Variants in MYO16 observed in about 807,000 individuals in gnomAD.
The protein encoded by MYO16 is unconventional myosin-XVI.
MYO16 carries 94 observed loss-of-function variants against 205.3 expected under a neutral mutation model. The observed-to-expected ratio is 0.46, with a 90% CI of 0.39 to 0.54. The LOEUF is 0.54. MYO16 is among the 20% of genes least tolerant of loss of function. The pLI is 0.00. For missense variants in MYO16, 2,315 were observed against 2,387.5 expected (o/e 0.97, Z 0.63); for synonymous variants, 988 against 954.0 (o/e 1.04, Z -0.66).
rs189042492 is a variant in MYO16 at position 108,705,814 on chromosome 13, A to G, written c.293-6847A>G. ...AATTCCTAGAAAGACACAAATCATG[A>G]TAGGCTTATATCGAATAGATTTAAT... On this transcript the variant is annotated intron_variant, in intron 2 of 34. Coordinates refer to ENST00000457511, the MANE Select transcript of MYO16 (RefSeq NM_001198950.3). Among the ~76,000 whole-genome samples the G allele has an allele frequency of 7.2e-3, 1,099 of 152,330 alleles. 14 individuals are homozygous for G. The highest frequency in any genetic ancestry group is 0.025 in the African/African-American group (1,052 of 41,580).
intron 32 of MYO16, among the ~76,000 whole-genome samples, chr13:109,160,586 A>G (rs1878333099): frequency 6.6e-6 from 1 of 152,262 alleles, no homozygotes; most frequent in South Asian, 2.1e-4. Context: ...CCCTTACTTC[A>G]CTAGATACAG....
At chr13:108,779,664 AG>A (rs1320978121) in intron 4 of MYO16, 1 of 152,190 alleles carries the variant, frequency 6.6e-6, no homozygotes, top group Non-Finnish European at 1.5e-5. Context: ...CTAGGATACA[AG>A]AGAAACTTGC....
At chr13:108,844,527 T>A (rs777724534) in intron 10 of MYO16, 34 bp downstream of exon 10, 1 of 1,542,178 alleles carries the variant, frequency 6.5e-7, no homozygotes, top group Non-Finnish European at 8.8e-7. Flanking sequence ...CTACCAGTAC[T>A]TTTTCATATC....
At chr13:109,100,751 A>C in intron 27 of MYO16, 34 bp from the exon 28 acceptor site, 1 of 1,525,822 alleles carries the variant, frequency 6.6e-7, no homozygotes, top group Non-Finnish European at 9.1e-7. Flanking sequence ...TGGCAAATGC[A>C]GTCATTGCTT....
chr13:108,915,435 C>A (rs917609961), intron 16 of MYO16, among the ~76,000 whole-genome samples: 1 of 152,138 alleles, frequency 6.6e-6, no homozygotes. Context: ...ATGCTTGTTA[C>A]CAAAAGTTTC....
In MYO16 at chr13:109,127,564, A is replaced by G. The variant is rs1348294724; in HGVS notation, c.4051+14A>G. ...CGGCCAACGAAGGTCAGCCCTGGGG[A>G]GGGACCCAGCCTCGTGTTCCGGGCT... On this transcript the variant is annotated intron_variant, in intron 31 of 34. Coordinates refer to ENST00000457511, the MANE Select transcript of MYO16 (RefSeq NM_001198950.3). The surrounding 1 kb of genome is among the most constrained non-coding windows in gnomAD (Gnocchi z 4.2). The G allele has an allele frequency of 1.2e-6, 2 of 1,605,146 alleles. No individual in the cohort carries two copies. Among genetic ancestry groups the G allele is most frequent in the Non-Finnish European group, 8.5e-7 (1 of 1,179,016 alleles).
chr13:108,663,005 C>A lies in MYO16; in HGVS notation c.29-2881C>A, dbSNP rs566139971. On this transcript the variant is annotated intron_variant, in intron 1 of 34. Coordinates refer to ENST00000457511, the MANE Select transcript of MYO16 (RefSeq NM_001198950.3). ...CCCAGGTAAAGTTGGAAACTTCTCCCACAGACAGACCTTCACCTTCTCCAG... is the reference window on the plus strand; with the variant it reads ...CCCAGGTAAAGTTGGAAACTTCTCCAACAGACAGACCTTCACCTTCTCCAG... Among the ~76,000 whole-genome samples, 162 of 152,270 alleles carry A rather than the reference C, an allele frequency of 1.1e-3. 1 individual carries two copies. The South Asian group carries it at 0.021, about 19-fold the overall frequency.
At chr13:109,180,611 G>A (rs562062707) in intron 34 of MYO16, among the ~76,000 whole-genome samples, 1 of 152,290 alleles carries the variant, frequency 6.6e-6, no homozygotes, top group Non-Finnish European at 1.5e-5. Flanking sequence ...GCATTATAGA[G>A]GCATGGCCAT....
intron 1 of MYO16, among the ~76,000 whole-genome samples, chr13:108,662,199 A>G (rs1006900680): frequency 6.6e-6 from 1 of 152,224 alleles, no homozygotes; most frequent in Non-Finnish European, 1.5e-5. Flanking sequence ...TGAAGGCTGC[A>G]GTGGACTGCA....
chr13:108,770,731 G>A (rs571957576), intron 4 of MYO16, among the ~76,000 whole-genome samples: 2 of 152,260 alleles, frequency 1.3e-5, no homozygotes, highest in South Asian at 4.1e-4. Context: ...TGCAATCCAG[G>A]AGAGCCCAGG....
intron 20 of MYO16, among the ~76,000 whole-genome samples, chr13:108,977,018 A>G (rs565810589): frequency 6.6e-6 from 1 of 152,288 alleles, no homozygotes; most frequent in East Asian, 1.9e-4. Context: ...AGACAACAAT[A>G]TTATCGAATA....
chr13:108,808,388 T>C (rs950613475), intron 7 of MYO16, among the ~76,000 whole-genome samples: 5 of 151,952 alleles, frequency 3.3e-5, no homozygotes, highest in Non-Finnish European at 7.4e-5. Flanking sequence ...CTCAGATCAC[T>C]GCAACCTCCG....
chr13:109,051,995 A>G (rs1887261367), intron 24 of MYO16, among the ~76,000 whole-genome samples: 1 of 152,168 alleles, frequency 6.6e-6, no homozygotes, highest in Non-Finnish European at 1.5e-5. Context: ...AAAGCCCCTT[A>G]GGTCTGAGCA....
intron 4 of MYO16, among the ~76,000 whole-genome samples, chr13:108,778,227 A>C (rs1400905007): frequency 1.3e-5 from 2 of 152,182 alleles, no homozygotes; most frequent in South Asian, 4.1e-4. Flanking sequence ...TGAAGTCATC[A>C]CAGTTTTTCA....
At chr13:108,788,436 C>G (rs984600780) in intron 5 of MYO16, among the ~76,000 whole-genome samples, 1 of 152,122 alleles carries the variant, frequency 6.6e-6, no homozygotes, top group African/African-American at 2.4e-5. Flanking sequence ...GAAAGTGAGC[C>G]AGCATGGAAA....
intron 32 of MYO16, among the ~76,000 whole-genome samples, chr13:109,150,645 C>A (rs1192127030): frequency 1.3e-5 from 2 of 152,184 alleles, no homozygotes; most frequent in Non-Finnish European, 2.9e-5. Context: ...GCCTTTACAA[C>A]CGGGATGCTC....
At chr13:108,820,188 A>G in intron 7 of MYO16, 149 bp from the exon 8 acceptor site, 3 of 549,210 alleles carry the variant, frequency 5.5e-6, no homozygotes, top group East Asian at 6.0e-5. Context: ...TAGAAAAGGC[A>G]CTGGGAAAGG....
chr13:108,745,997 C>T (rs2139623357), intron 4 of MYO16, among the ~76,000 whole-genome samples: 1 of 151,820 alleles, frequency 6.6e-6, no homozygotes, highest in East Asian at 2.0e-4. Flanking sequence ...ACCATCCTGG[C>T]TAACACAGTG....
intron 3 of MYO16, among the ~76,000 whole-genome samples, chr13:108,714,975 G>A (rs926313076): frequency 6.6e-6 from 1 of 152,072 alleles, no homozygotes; most frequent in African/African-American, 2.4e-5. Context: ...ATCTTTGCCT[G>A]CACTATACTG....
Sources: allele counts gnomAD v4.1 joint callset (sites outside exome capture counted in the v4.1 genomes callset), GRCh38; gene constraint gnomAD v4.1.1; non-coding constraint Gnocchi (gnomAD v3.1); transcripts MANE v1.5; gene names NCBI Gene and HGNC (gene_info 2026-07-23, HGNC 2026-07-21).